The following ZNF804A variants were observed in gnomAD, a reference collection of about 807,000 sequenced individuals.
ZNF804A encodes zinc finger protein 804A.
A neutral mutation model predicts 16.5 loss-of-function variants in ZNF804A; 2 were observed. The observed-to-expected ratio is 0.12, with a 90% CI of 0.05 to 0.38. The LOEUF is 0.38. Among genes scored for constraint, ZNF804A ranks in the 10% least tolerant of loss-of-function variants. The pLI, the probability that ZNF804A is intolerant of heterozygous loss-of-function variation, is 0.99. For missense variants in ZNF804A, 1,473 were observed against 1,390.7 expected (o/e 1.06, Z -0.94); for synonymous variants, 534 against 489.6 (o/e 1.09, Z -1.20).
intron 1 of ZNF804A, among the ~76,000 whole-genome samples, chr2:184,829,551 A>G (rs894389602): frequency 1.3e-5 from 2 of 152,154 alleles, no homozygotes; most frequent in East Asian, 3.9e-4. Flanking sequence ...TTTGCTTCCA[A>G]AAAGATTTCA....
intron 1 of ZNF804A, among the ~76,000 whole-genome samples, chr2:184,801,354 C>T (rs367873657): frequency 6.6e-6 from 1 of 152,092 alleles, no homozygotes; most frequent in Non-Finnish European, 1.5e-5. Context: ...TTGGAAAATT[C>T]TTGGCCATAA....
intron 1 of ZNF804A, among the ~76,000 whole-genome samples, chr2:184,604,146 C>CTTTTTTTTTTTTTTTTTTTTTTTTT (rs759053144): frequency 2.2e-5 from 1 of 44,862 alleles, no homozygotes; most frequent in African/African-American, 7.1e-5. Flanking sequence ...ACTGCAATTA[C>CTTTTTTTTTTTTTTTTTTTTTTTTT]TTTTTTTTTT....
In ZNF804A at chr2:184,849,717, AG is replaced by A. The variant is rs201335308; in HGVS notation, c.112-16651del. On this transcript the variant is annotated intron_variant, in intron 1 of 3. Coordinates refer to ENST00000302277, the MANE Select transcript of ZNF804A (RefSeq NM_194250.2). Reference sequence around the variant, plus strand: ...TAAAAATAGAACTACCATATGATTCAGCAATCCCAGTGCTAGGAAATTAGTA... The same window carrying A: ...TAAAAATAGAACTACCATATGATTCACAATCCCAGTGCTAGGAAATTAGTA... Among the ~76,000 whole-genome samples, 1,383 of 152,170 alleles carry A rather than the reference AG, an allele frequency of 9.1e-3. 23 individuals are homozygous for A. The highest frequency in any genetic ancestry group is 0.032 in the African/African-American group (1,322 of 41,546).
intron 2 of ZNF804A, among the ~76,000 whole-genome samples, chr2:184,877,266 A>G (rs60186429): frequency 0.064 from 9,805 of 152,070 alleles, 1,075 homozygotes; most frequent in African/African-American, 0.22. Context: ...TGAATTTATT[A>G]TATCCTTTAT....
chr2:184,840,126 C>T (rs187756925), intron 1 of ZNF804A, among the ~76,000 whole-genome samples: 86 of 152,296 alleles, frequency 5.6e-4, no homozygotes, highest in African/African-American at 2.0e-3. Context: ...TGGTGGTTCA[C>T]ACCTGTAATC....
intron 1 of ZNF804A, among the ~76,000 whole-genome samples, chr2:184,743,334 A>G (rs538823501): frequency 6.6e-6 from 1 of 152,156 alleles, no homozygotes; most frequent in Admixed American, 6.6e-5. Context: ...TTGGGAATGC[A>G]TCTATTTGTT....
chr2:184,919,825 A>C (rs1444431301), intron 2 of ZNF804A, among the ~76,000 whole-genome samples: 1 of 152,162 alleles, frequency 6.6e-6, no homozygotes, highest in Non-Finnish European at 1.5e-5. Flanking sequence ...GTTGCAAAAA[A>C]GAACTGTAGG....
At chr2:184,900,209 G>A (rs570514759) in intron 2 of ZNF804A, among the ~76,000 whole-genome samples, 1 of 152,172 alleles carries the variant, frequency 6.6e-6, no homozygotes, top group South Asian at 2.1e-4. Flanking sequence ...CTTTGCTCAT[G>A]TCTGTTTTCT....
At chr2:184,825,301 GGTTAAAAT>G (rs1695144893) in intron 1 of ZNF804A, among the ~76,000 whole-genome samples, 1 of 152,034 alleles carries the variant, frequency 6.6e-6, no homozygotes, top group Non-Finnish European at 1.5e-5. Context: ...TATTTAAAAT[GGTTAAAAT>G]GTTAGTAGTA....
At chr2:184,620,660 G>GAA (rs1691403296) in intron 1 of ZNF804A, among the ~76,000 whole-genome samples, 1 of 151,612 alleles carries the variant, frequency 6.6e-6, no homozygotes, top group Admixed American at 6.6e-5. Flanking sequence ...CATTTTCAAG[G>GAA]ACAGTATAAT....
At chr2:184,730,554 G>A (rs1693497824) in intron 1 of ZNF804A, among the ~76,000 whole-genome samples, 1 of 152,024 alleles carries the variant, frequency 6.6e-6, no homozygotes, top group African/African-American at 2.4e-5. Context: ...CCCCACACCT[G>A]GCAACTACTG....
chr2:184,904,834 T>A (rs1274178203), intron 2 of ZNF804A, among the ~76,000 whole-genome samples: 1 of 152,074 alleles, frequency 6.6e-6, no homozygotes, highest in East Asian at 1.9e-4. Context: ...TATCCAGTCA[T>A]TGTCTTTATA....
intron 1 of ZNF804A, among the ~76,000 whole-genome samples, chr2:184,763,892 T>C (rs1318147580): frequency 6.6e-6 from 1 of 151,978 alleles, no homozygotes; most frequent in African/African-American, 2.4e-5. Context: ...TCTGCCTGCC[T>C]CAGCCTCCCA....
chr2:184,687,108 G>A (rs1028989369), intron 1 of ZNF804A, among the ~76,000 whole-genome samples: 6 of 152,148 alleles, frequency 3.9e-5, no homozygotes, highest in Admixed American at 3.3e-4. Context: ...CGCCAATGTT[G>A]AGAAGGATAT....
intron 3 of ZNF804A, among the ~76,000 whole-genome samples, chr2:184,934,274 A>G (rs1424522205): frequency 6.6e-6 from 1 of 152,160 alleles, no homozygotes; most frequent in Admixed American, 6.5e-5. Flanking sequence ...TCTGCTTCTA[A>G]CAGTGAGCAG....
chr2:184,615,864 G>A (rs1365977430), intron 1 of ZNF804A, among the ~76,000 whole-genome samples: 1 of 152,112 alleles, frequency 6.6e-6, no homozygotes, highest in Non-Finnish European at 1.5e-5. Flanking sequence ...GGGAGTCCCA[G>A]CGAGTCTTCA....
chr2:184,797,931 T>C (rs1299054101), intron 1 of ZNF804A, among the ~76,000 whole-genome samples: 1 of 151,948 alleles, frequency 6.6e-6, no homozygotes, highest in African/African-American at 2.4e-5. Context: ...CAGCATTTGT[T>C]TGTCTGAAAA....
chr2:184,666,619 T>C (rs916103621), intron 1 of ZNF804A, among the ~76,000 whole-genome samples: 1 of 152,102 alleles, frequency 6.6e-6, no homozygotes, highest in Non-Finnish European at 1.5e-5. Flanking sequence ...TGTTTTCTTA[T>C]GATCAGCAGA....
intron 1 of ZNF804A, among the ~76,000 whole-genome samples, chr2:184,832,623 G>T (rs1695280663): frequency 6.6e-6 from 1 of 151,742 alleles, no homozygotes; most frequent in Non-Finnish European, 1.5e-5. Flanking sequence ...ATTTATGAAA[G>T]ATCTTCTCTT....
Sources: allele counts gnomAD v4.1 joint callset (sites outside exome capture counted in the v4.1 genomes callset), GRCh38; gene constraint gnomAD v4.1.1; transcripts MANE v1.5; gene names NCBI Gene and HGNC (gene_info 2026-07-23, HGNC 2026-07-21).